Variants in MORC3 observed in about 807,000 individuals in gnomAD.
MORC3 encodes the protein MORC family CW-type zinc finger 3, also known as MORC family CW-type zinc finger protein 3.
In MORC3, 31 loss-of-function variants were observed where a neutral mutation model predicts 109.1. That is an observed-to-expected ratio of 0.28 (90% CI 0.21 to 0.38). MORC3 has a LOEUF of 0.38. Among genes scored for constraint, MORC3 ranks in the 10% least tolerant of loss-of-function variants. MORC3 has a pLI of 1.00. For synonymous variants in MORC3, 395 were observed against 380.7 expected (o/e 1.04, Z -0.44); for missense variants, 867 against 1,135.8 (o/e 0.76, Z 3.40).
chr21:36,352,407 G>C (rs888455831), intron 9 of MORC3, among the ~76,000 whole-genome samples: 3 of 143,866 alleles, frequency 2.1e-5, no homozygotes, highest in South Asian at 2.3e-4. Flanking sequence ...GTGGGGGGGG[G>C]CAGGTTGAAA....
intron 2 of MORC3, among the ~76,000 whole-genome samples, chr21:36,335,873 G>C (rs1052407887): frequency 6.6e-6 from 1 of 152,060 alleles, no homozygotes; most frequent in African/African-American, 2.4e-5. Flanking sequence ...ACCTTCCATT[G>C]ACACTCAGAT....
intron 9 of MORC3, among the ~76,000 whole-genome samples, chr21:36,354,259 A>AT (rs1337209117): frequency 6.7e-6 from 1 of 148,952 alleles, no homozygotes; most frequent in Non-Finnish European, 1.5e-5. Flanking sequence ...ACTCAGTTTA[A>AT]TTTTTATACA....
At chr21:36,359,909 A>G (rs1419088539) in intron 10 of MORC3, 46 bp from the exon 11 acceptor site, 1 of 1,606,120 alleles carries the variant, frequency 6.2e-7, no homozygotes, top group East Asian at 2.2e-5. Context: ...TGAAGTATTT[A>G]GAGTCCATAT....
intron 9 of MORC3, among the ~76,000 whole-genome samples, chr21:36,352,385 CA>C (rs1212546560): frequency 5.0e-5 from 4 of 79,270 alleles, no homozygotes; most frequent in Admixed American, 1.5e-4. Context: ...GTAATAAGGC[CA>C]AAAAAAAGGG....
At position 36,320,255 on chromosome 21, in the gene MORC3, C is replaced by G; in HGVS notation, c.-10C>G. 1.3e-6 allele frequency: 2 copies of G among 1,581,792 alleles called. No individual in the cohort carries two copies. The highest frequency in any genetic ancestry group is 1.4e-5 in the African/African-American group (1 of 74,038). The stretch of plus-strand genomic sequence containing the variant: ...GCGGAGGCCGTTCCTGGCTTTGTAG[C>G]TCGCTCAAGATGGCGGCGCAGCCAC... On this transcript the variant is annotated 5_prime_UTR_variant, in exon 1 of 17. Transcript: ENST00000400485.
chr21:36,338,646 C>T, intron 4 of MORC3, 128 bp from the exon 5 acceptor site: 1 of 935,230 alleles, frequency 1.1e-6, no homozygotes, highest in Non-Finnish European at 1.5e-6. Context: ...GACCCTATCT[C>T]ACAAAAAAAA....
rs550233737 is a variant in MORC3 at position 36,355,776 on chromosome 21, T to G, written c.1104-844T>G. ...CAGCCTGGGCAAAAAAGCAATACCCTGTCTCTACAAAAAATGAAAAAAAAA... is the reference window on the plus strand; with the variant it reads ...CAGCCTGGGCAAAAAAGCAATACCCGGTCTCTACAAAAAATGAAAAAAAAA... On this transcript the variant is annotated intron_variant, in intron 9 of 16. Coordinates refer to ENST00000400485, the MANE Select transcript of MORC3 (RefSeq NM_015358.3). Among the ~76,000 whole-genome samples, 15 of 150,982 alleles carry G rather than the reference T, an allele frequency of 9.9e-5. No homozygotes were observed. The East Asian group carries it at 2.7e-3, about 27-fold the overall frequency.
At chr21:36,370,495 T>A (rs935276996) in intron 15 of MORC3, among the ~76,000 whole-genome samples, 2 of 151,522 alleles carry the variant, frequency 1.3e-5, no homozygotes, top group Non-Finnish European at 2.9e-5. Context: ...ATTCTGCTTT[T>A]AAGTATAGTT....
At chr21:36,354,412 C>T (rs779242767) in intron 9 of MORC3, among the ~76,000 whole-genome samples, 15 of 138,306 alleles carry the variant, frequency 1.1e-4, no homozygotes, top group Non-Finnish European at 1.4e-4. Context: ...TCAAGCGATT[C>T]TTCTGCCTCA....
intron 9 of MORC3, among the ~76,000 whole-genome samples, chr21:36,352,058 T>C (rs1393926235): frequency 6.6e-6 from 1 of 152,128 alleles, no homozygotes; most frequent in Non-Finnish European, 1.5e-5. Context: ...AAAAGAATAA[T>C]AACATTAAAA....
At position 36,369,662 on chromosome 21, in the gene MORC3, G is replaced by A; in HGVS notation, c.2294G>A (p.Ser765Asn). The change falls in exon 15 of 17, where the codon AGT becomes AAT. Residue 765 changes from serine (S) to asparagine (N), a missense_variant. This residue lies in a region of MORC3 where 486 missense variants were observed against 502.1 expected (regional missense o/e 0.97). Coordinates refer to ENST00000400485, the MANE Select transcript of MORC3 (RefSeq NM_015358.3). ...LLESINGKSE[S>N]PDHMVSQYQQ... ...GAAAGTATTAATGGCAAATCTGAAAGTCCAGACCATATGGTATCTCAGTAT... is the reference window on the plus strand; with the variant it reads ...GAAAGTATTAATGGCAAATCTGAAAATCCAGACCATATGGTATCTCAGTAT... 1 of 1,614,178 alleles carries A rather than the reference G, an allele frequency of 6.2e-7. No homozygotes were observed. Among genetic ancestry groups the A allele is most frequent in the South Asian group, 1.1e-5 (1 of 91,082 alleles).
At chr21:36,333,261 C>T (rs1057174703) in intron 1 of MORC3, among the ~76,000 whole-genome samples, 2 of 152,166 alleles carry the variant, frequency 1.3e-5, no homozygotes, top group African/African-American at 4.8e-5. Context: ...GAGAAAGTGC[C>T]TCCTTGACAA....
intron 1 of MORC3, among the ~76,000 whole-genome samples, chr21:36,328,567 C>G (rs1243238644): frequency 6.6e-6 from 1 of 152,148 alleles, no homozygotes; most frequent in Non-Finnish European, 1.5e-5. Flanking sequence ...TCTTGAACTC[C>G]TAACCTCAGT....
chr21:36,323,299 A>AC (rs1403957266), intron 1 of MORC3, among the ~76,000 whole-genome samples: 1 of 152,192 alleles, frequency 6.6e-6, no homozygotes, highest in Non-Finnish European at 1.5e-5. Flanking sequence ...CTGACTCATA[A>AC]CCAGATGTAT....
chr21:36,375,588 A>T lies in MORC3; in HGVS notation c.*292A>T. On this transcript the variant is annotated 3_prime_UTR_variant, in exon 17 of 17. Transcript: ENST00000400485. ...ATTTTTTTATTGCCCTAGAGTACTC[A>T]AGTGTTTTTCACCAAGAGCTTTTCA... 5.3e-6 allele frequency: 1 copy of T among 187,628 alleles called. No individual in the cohort carries two copies. The highest frequency in any genetic ancestry group is 1.3e-4 in the South Asian group (1 of 7,716). 11.6% of individuals were successfully genotyped at this position (187,628 alleles called of 1,614,324 possible).
chr21:36,332,808 G>C (rs2085331219), intron 1 of MORC3, among the ~76,000 whole-genome samples: 1 of 127,460 alleles, frequency 7.8e-6, no homozygotes, highest in African/African-American at 3.1e-5. Context: ...TTTTTTTTGA[G>C]ATGGAGTCTC....
chr21:36,375,176 A>T lies in MORC3; in HGVS notation c.2700A>T (p.Gly900=). The T allele has an allele frequency of 2.5e-6, 4 of 1,613,864 alleles. No individual in the cohort carries two copies. The highest frequency in any genetic ancestry group is 3.4e-6 in the Non-Finnish European group (4 of 1,179,928). ...LKLRSLRVNV[G]QLLAMIVPDL... is the part of the protein sequence containing the mutation. The stretch of plus-strand genomic sequence containing the variant: ...TCCGATCTCTTCGAGTTAACGTAGG[A>T]CAACTGCTGGCTATGATTGTGCCTG... The change falls in exon 17 of 17, where the codon GGA becomes GGT. Residue 900 remains glycine, a synonymous_variant. Transcript: ENST00000400485.
chr21:36,342,528 G>C (rs2085460979), intron 6 of MORC3, among the ~76,000 whole-genome samples: 1 of 151,940 alleles, frequency 6.6e-6, no homozygotes, highest in Non-Finnish European at 1.5e-5. Context: ...TCAGCCTCCT[G>C]AGTAGCTGGG....
At chr21:36,368,511 C>T (rs1328511048) in intron 14 of MORC3, among the ~76,000 whole-genome samples, 1 of 152,160 alleles carries the variant, frequency 6.6e-6, no homozygotes, top group Non-Finnish European at 1.5e-5. Flanking sequence ...ATAATCTCTA[C>T]TTCATTAAAT....
Sources: gnomAD v4.1 joint callset for allele counts (sites outside exome capture counted in the v4.1 genomes callset) on GRCh38, gnomAD v4.1.1 for gene constraint, gnomAD v4.1.1 regional missense constraint, MANE v1.5 for transcripts, NCBI Gene and HGNC (gene_info 2026-07-23, HGNC 2026-07-21) for gene names.